The following HSBP1L1 variants were observed in gnomAD, a reference collection of about 807,000 sequenced individuals.
The protein encoded by HSBP1L1 is heat shock factor binding protein 1 like 1.
A neutral mutation model predicts 9.7 loss-of-function variants in HSBP1L1; 8 were observed. The observed-to-expected ratio is 0.82, with a 90% CI of 0.48 to 1.48. The LOEUF (loss-of-function observed/expected upper bound fraction) is 1.48. Among genes scored for constraint, HSBP1L1 ranks in the 40% most tolerant of loss-of-function variants. The probability of loss-of-function intolerance (pLI) is 0.00; values close to 1 mark genes in which losing one functional copy is unlikely to be tolerated. For synonymous variants in HSBP1L1, 39 were observed against 34.4 expected (o/e 1.13, Z -0.46); for missense variants, 106 against 95.8 (o/e 1.11, Z -0.44).
chr18:79,967,099 G>A (rs2051261463), intron 2 of HSBP1L1: 1 of 146,116 alleles, frequency 6.8e-6, no homozygotes, highest in Non-Finnish European at 1.5e-5. Flanking sequence ...AGTGAGCCGA[G>A]ATCGCGCCAC....
intron 1 of HSBP1L1, among the ~76,000 whole-genome samples, chr18:79,966,178 G>A (rs1213992766): frequency 2.7e-5 from 4 of 148,982 alleles, no homozygotes; most frequent in African/African-American, 4.8e-5. Context: ...TGATCCACCC[G>A]CCTCGGCCTC....
intron 1 of HSBP1L1, among the ~76,000 whole-genome samples, chr18:79,966,226 C>T (rs2051256472): frequency 6.6e-6 from 1 of 152,024 alleles, no homozygotes; most frequent in Admixed American, 6.5e-5. Flanking sequence ...CCACCGCGCC[C>T]GGCCTTATCC....
At chr18:79,968,570 C>T (rs954581542) in intron 3 of HSBP1L1, among the ~76,000 whole-genome samples, 13 of 152,154 alleles carry the variant, frequency 8.5e-5, no homozygotes, top group Non-Finnish European at 8.8e-5. Flanking sequence ...AGGTGATCCA[C>T]CCACCTTGGC....
At position 79,970,573 on chromosome 18, in the gene HSBP1L1, G is replaced by C; in HGVS notation, c.*122G>C. 5.0e-6 allele frequency: 3 copies of C among 603,576 alleles called. No individual in the cohort carries two copies. Among genetic ancestry groups the C allele is most frequent in the Non-Finnish European group, 9.2e-6 (3 of 325,654 alleles). 37.4% of individuals were successfully genotyped at this position (603,576 alleles called of 1,614,324 possible). A position where few individuals can be genotyped will look rare whatever the true frequency, so the allele number is the denominator to read the frequency against. ...TTCTGAGAAGAGACGCAAGGGGCTCGCCTGCTCTCCCCTCCGTGCCTGCAC... is the reference window on the plus strand; with the variant it reads ...TTCTGAGAAGAGACGCAAGGGGCTCCCCTGCTCTCCCCTCCGTGCCTGCAC... On this transcript the variant is annotated 3_prime_UTR_variant, in exon 4 of 4. Coordinates refer to ENST00000451882, the MANE Select transcript of HSBP1L1 (RefSeq NM_001136180.2).
At position 79,964,763 on chromosome 18, in the gene HSBP1L1, G is replaced by A. The variant is rs770697990; in HGVS notation, c.28G>A (p.Gly10Ser). The change falls in exon 1 of 4, where the codon GGC becomes AGC. Residue 10 changes from glycine (G) to serine (S), a missense_variant. Physicochemically the swap from Gly to Ser is moderately conservative, Grantham distance 56. Coordinates refer to ENST00000451882, the MANE Select transcript of HSBP1L1 (RefSeq NM_001136180.2). The stretch of plus-strand genomic sequence containing the variant: ...GGACGTGCGGGGCCCTGAAGCCCCC[G>A]GCGGGCGCGCGCTGCGGGACGCGGT... MDVRGPEAPGGRALRDAAEN... is the reference protein window; with the variant it reads MDVRGPEAPSGRALRDAAEN... 40 of 1,410,228 alleles carry A rather than the reference G, an allele frequency of 2.8e-5. No homozygotes were observed. In the African/African-American group the frequency reaches 3.5e-4, roughly 12 times the overall value. The allele number at this position is 1,410,228 out of a possible 1,614,324, so 87.4% of individuals were successfully genotyped here. A position where few individuals can be genotyped will look rare whatever the true frequency, so the allele number is the denominator to read the frequency against.
At chr18:79,968,369 C>T (rs1228189196) in intron 3 of HSBP1L1, among the ~76,000 whole-genome samples, 186 bp downstream of exon 3, 2 of 152,162 alleles carry the variant, frequency 1.3e-5, no homozygotes, top group Non-Finnish European at 2.9e-5. Context: ...CTCTGTCGCC[C>T]AGGCTGGAGT....
intron 1 of HSBP1L1, among the ~76,000 whole-genome samples, chr18:79,965,413 G>A (rs574208175): frequency 6.6e-6 from 1 of 152,112 alleles, no homozygotes; most frequent in Admixed American, 6.6e-5. Context: ...CTATGTCGAC[G>A]GGATTCTAGA....
In HSBP1L1 at chr18:79,970,708, T is replaced by C; in HGVS notation, c.*257T>C. 1 of 480,272 alleles carries C rather than the reference T, an allele frequency of 2.1e-6. No homozygotes were observed. The highest frequency in any genetic ancestry group is 3.8e-6 in the Non-Finnish European group (1 of 264,400). 29.8% of individuals were successfully genotyped at this position (480,272 alleles called of 1,614,324 possible). The stretch of plus-strand genomic sequence containing the variant: ...ACAGAACTGTGAAAAGACAAGTTTC[T>C]GTTGTTTAAACCACCCAATCTGAAG... On this transcript the variant is annotated 3_prime_UTR_variant, in exon 4 of 4. Coordinates refer to ENST00000451882, the MANE Select transcript of HSBP1L1 (RefSeq NM_001136180.2).
Position 79,970,689 on chromosome 18 carries a change from C to T in HSBP1L1, c.*238C>T, listed in dbSNP as rs2051292211. 3 of 504,540 alleles carry T rather than the reference C, an allele frequency of 5.9e-6. No homozygotes were observed. In the East Asian group the frequency reaches 8.9e-5, roughly 15 times the overall value. 31.3% of individuals were successfully genotyped at this position (504,540 alleles called of 1,614,324 possible). A position where few individuals can be genotyped will look rare whatever the true frequency, so the allele number is the denominator to read the frequency against. On this transcript the variant is annotated 3_prime_UTR_variant, in exon 4 of 4. Coordinates refer to ENST00000451882, the MANE Select transcript of HSBP1L1 (RefSeq NM_001136180.2). ...GATCTGGGACTTCCAGAAAACAGAA[C>T]TGTGAAAAGACAAGTTTCTGTTGTT...
At position 79,970,615 on chromosome 18, in the gene HSBP1L1, C is replaced by G; in HGVS notation, c.*164C>G. ...TGCCTGCACCAGAGAAGGAGGCCATCGGCAAGCCAAGGAGAGCCCTCCCCA... is the reference window on the plus strand; with the variant it reads ...TGCCTGCACCAGAGAAGGAGGCCATGGGCAAGCCAAGGAGAGCCCTCCCCA... On this transcript the variant is annotated 3_prime_UTR_variant, in exon 4 of 4. Transcript: ENST00000451882. The G allele has an allele frequency of 1.6e-6, 1 of 614,292 alleles. No individual in the cohort carries two copies. The highest frequency in any genetic ancestry group is 1.9e-5 in the South Asian group (1 of 53,306). The allele number at this position is 614,292 out of a possible 1,614,324, so 38.1% of individuals were successfully genotyped here.
chr18:79,967,997 T>C, intron 2 of HSBP1L1, 92 bp from the exon 3 acceptor site: 2 of 672,316 alleles, frequency 3.0e-6, no homozygotes, highest in Non-Finnish European at 5.1e-6. Context: ...AAAAGTTGCA[T>C]GTGCCATGGG....
chr18:79,969,394 A>AGAAG (rs35959688), intron 3 of HSBP1L1, among the ~76,000 whole-genome samples: 1 of 80,302 alleles, frequency 1.2e-5, no homozygotes, highest in African/African-American at 4.7e-5. Context: ...AAAGAAAGAA[A>AGAAG]AAAAAACGAT....
chr18:79,969,391 GAAAA>G (rs755308930), intron 3 of HSBP1L1, among the ~76,000 whole-genome samples: 25 of 93,048 alleles, frequency 2.7e-4, no homozygotes, highest in African/African-American at 8.2e-4. Context: ...AAGAAAGAAA[GAAAA>G]AAAAACGATG....
intron 3 of HSBP1L1, among the ~76,000 whole-genome samples, chr18:79,969,023 A>C (rs1226532835): frequency 1.6e-5 from 2 of 127,940 alleles, no homozygotes; most frequent in Non-Finnish European, 3.2e-5. Context: ...TACTAAAAAT[A>C]CAAAAAAAAA....
At chr18:79,967,147 C>CAAAAAAA (rs5826682) in intron 2 of HSBP1L1, among the ~76,000 whole-genome samples, 8 of 105,192 alleles carry the variant, frequency 7.6e-5, no homozygotes, top group African/African-American at 3.0e-4. Context: ...GACTCCGTCT[C>CAAAAAAA]AAAAAAAAAA....
intron 1 of HSBP1L1, among the ~76,000 whole-genome samples, chr18:79,965,788 G>T (rs779078284): frequency 3.3e-5 from 5 of 152,120 alleles, no homozygotes; most frequent in Non-Finnish European, 5.9e-5. Flanking sequence ...AGGGGGATGG[G>T]TCCCTGCCCC....
rs556247619 is a variant in HSBP1L1, at chr18:79,969,537, G to C, written c.214-903G>C. On this transcript the variant is annotated intron_variant, in intron 3 of 3. Transcript: ENST00000451882. ...ACCCTGCATTTTAATTTTTGGGTGT[G>C]GTCTGTTCAGGTAGGCAGAGATGGC... Among the ~76,000 whole-genome samples the C allele has an allele frequency of 1.7e-3, 257 of 152,266 alleles. 1 individual carries two copies. The highest frequency in any genetic ancestry group is 5.8e-3 in the African/African-American group (243 of 41,544).
chr18:79,969,325 GAAA>G (rs2051277974), intron 3 of HSBP1L1, among the ~76,000 whole-genome samples: 1 of 101,672 alleles, frequency 9.8e-6, no homozygotes, highest in African/African-American at 4.0e-5. Flanking sequence ...AAGAAAGAAA[GAAA>G]GAAAAAGAAA....
rs942080051 is a variant in HSBP1L1 at position 79,970,508 on chromosome 18, C to T, written c.*57C>T. 9 of 717,888 alleles carry T rather than the reference C, an allele frequency of 1.3e-5. No individual in the cohort carries two copies. The highest frequency in any genetic ancestry group is 2.1e-5 in the Non-Finnish European group (8 of 384,680). 44.5% of individuals were successfully genotyped at this position (717,888 alleles called of 1,614,324 possible). On this transcript the variant is annotated 3_prime_UTR_variant, in exon 4 of 4. Coordinates refer to ENST00000451882, the MANE Select transcript of HSBP1L1 (RefSeq NM_001136180.2). Reference sequence around the variant, plus strand: ...TCTACAGAAGTCATTAAGGTTACATCGGTCCTGAGGGTGGGGCCCTCATCC... The same window carrying T: ...TCTACAGAAGTCATTAAGGTTACATTGGTCCTGAGGGTGGGGCCCTCATCC...
Sources: allele counts gnomAD v4.1 joint callset (sites outside exome capture counted in the v4.1 genomes callset), GRCh38; gene constraint gnomAD v4.1.1; transcripts MANE v1.5; gene names NCBI Gene and HGNC (gene_info 2026-07-23, HGNC 2026-07-21).